BORCS5: variants seen among roughly 807,000 people sequenced by gnomAD.
BORCS5 encodes BLOC-1 related complex subunit 5.
In BORCS5, 17 loss-of-function variants were observed where a neutral mutation model predicts 22.1. The ratio of observed to expected loss-of-function variants is 0.77; its 90% confidence interval spans 0.53 to 1.15. The LOEUF (loss-of-function observed/expected upper bound fraction) is 1.15. Ranked by LOEUF, BORCS5 falls within the 50% of genes most tolerant of loss-of-function variation. The pLI is 0.00. For synonymous variants in BORCS5, 117 were observed against 99.8 expected, an observed-to-expected ratio of 1.17 and a Z score of -1.03; for missense variants, 247 against 253.2, an observed-to-expected ratio of 0.98 and a Z score of 0.17.
At chr12:12,397,064 A>G (rs1162359313) in intron 2 of BORCS5, among the ~76,000 whole-genome samples, 4 of 152,056 alleles carry the variant, frequency 2.6e-5, no homozygotes, top group African/African-American at 4.8e-5. Context: ...CTTTCTCTCT[A>G]TGGACTTTTT....
chr12:12,372,103 G>A (rs145130528), intron 2 of BORCS5, among the ~76,000 whole-genome samples: 3,172 of 151,816 alleles, frequency 0.021, 46 homozygotes, highest in Middle Eastern at 0.048. Flanking sequence ...GCAATGGCAC[G>A]ATGTCAGCTC....
chr12:12,410,802 A>G (rs916143384), intron 2 of BORCS5, among the ~76,000 whole-genome samples: 12 of 152,166 alleles, frequency 7.9e-5, no homozygotes, highest in Non-Finnish European at 1.0e-4. Context: ...CATTGAATCT[A>G]TAAATTACCT....
rs1414066025 is a variant in BORCS5 at position 12,413,817 on chromosome 12, C to T, written c.203-21811C>T. 9.6e-4 allele frequency among the ~76,000 whole-genome samples: 71 copies of T among 74,280 alleles called. 11 individuals are homozygous for T. Among genetic ancestry groups the T allele is most frequent in the Admixed American group, 7.4e-3 (67 of 9,038 alleles). The allele number at this position is 74,280 out of a possible 152,430, so 48.7% of individuals were successfully genotyped here. A position where few individuals can be genotyped will look rare whatever the true frequency, so the allele number is the denominator to read the frequency against. ...GGCGCCCCTCACCTCCCGGACGGGG[C>T]GGCTGGCCAGGCGGGGGGCTGGCCC... is the stretch of plus-strand genomic sequence containing the variant. On this transcript the variant is annotated intron_variant, in intron 2 of 3. Coordinates refer to ENST00000314565, the MANE Select transcript of BORCS5 (RefSeq NM_058169.6).
intron 2 of BORCS5, among the ~76,000 whole-genome samples, chr12:12,367,410 G>A (rs1863428074): frequency 6.6e-6 from 1 of 152,160 alleles, no homozygotes; most frequent in African/African-American, 2.4e-5. Context: ...TGGCTTAAAG[G>A]TAATCTCTAA....
intron 3 of BORCS5, among the ~76,000 whole-genome samples, chr12:12,440,093 C>T (rs1227613557): frequency 2.0e-5 from 3 of 152,142 alleles, no homozygotes; most frequent in Non-Finnish European, 2.9e-5. Context: ...AACTAGAGGT[C>T]CCTAAGATTA....
rs190049859 is a variant in BORCS5, at chr12:12,427,949, C to A, written c.203-7679C>A. On this transcript the variant is annotated intron_variant, in intron 2 of 3. Transcript: ENST00000314565. The stretch of plus-strand genomic sequence containing the variant: ...ACCATTACACTGGGGATTAGGATTT[C>A]AACATAGGAAATTTGGGGAAACACA... Among the ~76,000 whole-genome samples, 204 of 152,302 alleles carry A rather than the reference C, an allele frequency of 1.3e-3. 2 individuals carry two copies. The highest frequency in any genetic ancestry group is 4.8e-3 in the African/African-American group (198 of 41,564).
chr12:12,359,320 C>T (rs1863221399), intron 1 of BORCS5, among the ~76,000 whole-genome samples: 1 of 151,588 alleles, frequency 6.6e-6, no homozygotes, highest in South Asian at 2.1e-4. Flanking sequence ...TTGCTGGAGC[C>T]CAGGAGTTTA....
chr12:12,457,511 T>C (rs1943018848), intron 3 of BORCS5, among the ~76,000 whole-genome samples: 1 of 152,056 alleles, frequency 6.6e-6, no homozygotes. Flanking sequence ...CTACTAAAAA[T>C]ACAAAAAATT....
chr12:12,430,047 T>C (rs1399927188), intron 2 of BORCS5, among the ~76,000 whole-genome samples: 2 of 152,154 alleles, frequency 1.3e-5, no homozygotes, highest in African/African-American at 2.4e-5. Context: ...ACCTTTTATG[T>C]ACTAGGTGCT....
At chr12:12,407,389 C>T (rs1247997263) in intron 2 of BORCS5, among the ~76,000 whole-genome samples, 1 of 122,734 alleles carries the variant, frequency 8.1e-6, no homozygotes, top group Non-Finnish European at 1.9e-5. Flanking sequence ...CTGTTGGTCA[C>T]ATTTTTTTTT....
chr12:12,401,520 T>A (rs912315433), intron 2 of BORCS5, among the ~76,000 whole-genome samples: 21 of 152,032 alleles, frequency 1.4e-4, no homozygotes, highest in African/African-American at 4.1e-4. Flanking sequence ...TTTTTAATAA[T>A]TTTTTTTCTG....
rs1456169101 is a variant in BORCS5, at chr12:12,445,496, C to G, written c.360+9711C>G. Among the ~76,000 whole-genome samples, 57 of 45,794 alleles carry G rather than the reference C, an allele frequency of 1.2e-3. 1 individual carries two copies. In the South Asian group the frequency reaches 0.06, roughly 48 times the overall value. The allele number at this position is 45,794 out of a possible 152,430, so 30.0% of individuals were successfully genotyped here. On this transcript the variant is annotated intron_variant, in intron 3 of 3. Coordinates refer to ENST00000314565, the MANE Select transcript of BORCS5 (RefSeq NM_058169.6). ...AGATTTCTATCTTGAACATGCATTG[C>G]TTTTTTTTTTTTTTTTTTTCAATTT...
intron 2 of BORCS5, among the ~76,000 whole-genome samples, chr12:12,422,731 C>T (rs1036098174): frequency 4.6e-5 from 7 of 152,104 alleles, no homozygotes; most frequent in Admixed American, 6.5e-5. Context: ...TTGTTAATGT[C>T]ACAAGATAAT....
intron 2 of BORCS5, among the ~76,000 whole-genome samples, chr12:12,388,287 A>C (rs554581592): frequency 2.0e-5 from 3 of 151,330 alleles, no homozygotes; most frequent in African/African-American, 7.3e-5. Context: ...CACTTCCCAA[A>C]CATATGGTAG....
chr12:12,359,641 C>T (rs929385230), intron 1 of BORCS5, among the ~76,000 whole-genome samples: 6 of 146,486 alleles, frequency 4.1e-5, no homozygotes, highest in African/African-American at 1.5e-4. Context: ...GGATTACAGG[C>T]GTGAGCCACC....
chr12:12,457,611 A>T (rs555573454), intron 3 of BORCS5, among the ~76,000 whole-genome samples: 1 of 152,320 alleles, frequency 6.6e-6, no homozygotes, highest in East Asian at 1.9e-4. Context: ...CAGAGCCTGC[A>T]GTGAGCCGAG....
Position 12,382,619 on chromosome 12 carries a change from G to A in BORCS5, c.202+21270G>A, listed in dbSNP as rs188040520. On this transcript the variant is annotated intron_variant, in intron 2 of 3. Transcript: ENST00000314565. ...GCGATCTCAGTTTCCTGCAACCTCT[G>A]CCTCCTGGGTTCAAGTGATTTTCCT... Among the ~76,000 whole-genome samples the A allele has an allele frequency of 2.6e-4, 38 of 147,716 alleles. 1 individual carries two copies. In the East Asian group the frequency reaches 5.3e-3, roughly 21 times the overall value.
intron 3 of BORCS5, among the ~76,000 whole-genome samples, chr12:12,443,432 A>G (rs1415263610): frequency 6.6e-6 from 1 of 152,136 alleles, no homozygotes; most frequent in Non-Finnish European, 1.5e-5. Context: ...CCTTTGGGCA[A>G]CCTTTCTTTT....
At chr12:12,407,910 A>G (rs1172421513) in intron 2 of BORCS5, among the ~76,000 whole-genome samples, 2 of 151,870 alleles carry the variant, frequency 1.3e-5, no homozygotes, top group Non-Finnish European at 2.9e-5. Context: ...GGGTTTCACC[A>G]TGTTGCCCAG....
Sources: gnomAD v4.1 joint callset for allele counts (sites outside exome capture counted in the v4.1 genomes callset) on GRCh38, gnomAD v4.1.1 for gene constraint, MANE v1.5 for transcripts, NCBI Gene and HGNC (gene_info 2026-07-23, HGNC 2026-07-21) for gene names.